The following UNC5D variants were observed in gnomAD, a reference collection of about 807,000 sequenced individuals.
UNC5D encodes the protein netrin receptor UNC5D.
In UNC5D, 39 loss-of-function variants were observed where a neutral mutation model predicts 105.4. The observed-to-expected ratio is 0.37, with a 90% CI of 0.29 to 0.48. The LOEUF (loss-of-function observed/expected upper bound fraction) is 0.48, where lower values mean the gene tolerates loss of function less well. Ranked by LOEUF, UNC5D falls within the 20% of genes least tolerant of loss-of-function variation. UNC5D has a pLI of 0.98. For synonymous variants in UNC5D, 452 were observed against 450.4 expected, an observed-to-expected ratio of 1.00 and a Z score of -0.04; for missense variants, 991 against 1,202.4, an observed-to-expected ratio of 0.82 and a Z score of 2.60.
At chr8:35,540,924 A>G (rs1255802910) in intron 1 of UNC5D, among the ~76,000 whole-genome samples, 1 of 152,170 alleles carries the variant, frequency 6.6e-6, no homozygotes. Context: ...CAAAGAATGC[A>G]CAGCTGAACT....
At chr8:35,387,624 C>T (rs1224745310) in intron 1 of UNC5D, among the ~76,000 whole-genome samples, 2 of 152,080 alleles carry the variant, frequency 1.3e-5, no homozygotes, top group African/African-American at 2.4e-5. Context: ...GCAGACTACC[C>T]GTATTTGACG....
chr8:35,405,197 T>G (rs896171831), intron 1 of UNC5D, among the ~76,000 whole-genome samples: 2 of 152,134 alleles, frequency 1.3e-5, no homozygotes, highest in African/African-American at 4.8e-5. Flanking sequence ...GGTAGCTGCA[T>G]GCACCCAGAT....
chr8:35,567,533 C>A (rs1285458432), intron 2 of UNC5D, among the ~76,000 whole-genome samples: 1 of 152,080 alleles, frequency 6.6e-6, no homozygotes, highest in Admixed American at 6.6e-5. Flanking sequence ...TCTTTGTGCT[C>A]ATTCCTTCTT....
At chr8:35,327,330 C>T (rs1810243326) in intron 1 of UNC5D, among the ~76,000 whole-genome samples, 1 of 152,198 alleles carries the variant, frequency 6.6e-6, no homozygotes, top group Non-Finnish European at 1.5e-5. Context: ...GCCATTTGCT[C>T]TGGAATGCAT....
At position 35,748,522 on chromosome 8, in the gene UNC5D, T is replaced by G. The variant is rs201779169; in HGVS notation, c.1767-5T>G. On this transcript the variant is annotated splice_polypyrimidine_tract_variant and splice_region_variant and intron_variant, in intron 11 of 16. Coordinates refer to ENST00000404895, the MANE Select transcript of UNC5D (RefSeq NM_080872.4). ...CTCTCTTCTATCCTTTTTTCAACTGTGAAGCCTCCAGTCAGATGGCTCTGA... is the reference window on the plus strand; with the variant it reads ...CTCTCTTCTATCCTTTTTTCAACTGGGAAGCCTCCAGTCAGATGGCTCTGA... The G allele has an allele frequency of 2.4e-5, 38 of 1,611,236 alleles. No homozygotes were observed. The highest frequency in any genetic ancestry group is 3.1e-5 in the Non-Finnish European group (37 of 1,179,112).
chr8:35,476,186 C>A (rs1483836666), intron 1 of UNC5D, among the ~76,000 whole-genome samples: 1 of 152,142 alleles, frequency 6.6e-6, no homozygotes, highest in African/African-American at 2.4e-5. Flanking sequence ...CTGCAGTTGC[C>A]TTTTAAGAAA....
chr8:35,497,585 T>A (rs1811678468), intron 1 of UNC5D, among the ~76,000 whole-genome samples: 1 of 151,764 alleles, frequency 6.6e-6, no homozygotes, highest in African/African-American at 2.4e-5. Flanking sequence ...AAGTGTGAGA[T>A]GTCTTTTGGA....
chr8:35,329,977 T>A (rs1300014579), intron 1 of UNC5D, among the ~76,000 whole-genome samples: 2 of 152,194 alleles, frequency 1.3e-5, no homozygotes, highest in Non-Finnish European at 2.9e-5. Flanking sequence ...TGGCAGTGCC[T>A]TATTTAATCC....
At chr8:35,451,597 C>G (rs1191157803) in intron 1 of UNC5D, among the ~76,000 whole-genome samples, 2 of 152,098 alleles carry the variant, frequency 1.3e-5, no homozygotes, top group East Asian at 3.9e-4. Flanking sequence ...AAGAATTGCT[C>G]TACAGTTTTA....
At chr8:35,293,564 A>T (rs1807238471) in intron 1 of UNC5D, among the ~76,000 whole-genome samples, 1 of 152,118 alleles carries the variant, frequency 6.6e-6, no homozygotes, top group Admixed American at 6.6e-5. Flanking sequence ...TTCTCCAAGG[A>T]TCATATCTTG....
At chr8:35,750,502 A>G (rs1256598877) in intron 12 of UNC5D, 80 bp from the exon 13 acceptor site, 23 of 1,414,092 alleles carry the variant, frequency 1.6e-5, no homozygotes, top group Non-Finnish European at 2.3e-5. Flanking sequence ...TTGTGTGTTT[A>G]TTTATTTGTG....
chr8:35,566,083 A>G (rs1817316567), intron 2 of UNC5D, among the ~76,000 whole-genome samples: 1 of 152,184 alleles, frequency 6.6e-6, no homozygotes, highest in African/African-American at 2.4e-5. Flanking sequence ...CTGGACTCAT[A>G]GTCTCTGACA....
intron 1 of UNC5D, among the ~76,000 whole-genome samples, chr8:35,362,980 C>G (rs1042167561): frequency 5.3e-5 from 8 of 152,120 alleles, no homozygotes; most frequent in Non-Finnish European, 7.3e-5. Context: ...CTACTAATAT[C>G]CTTTCTCTGG....
At chr8:35,658,242 T>C (rs1823892215) in intron 4 of UNC5D, among the ~76,000 whole-genome samples, 2 of 152,200 alleles carry the variant, frequency 1.3e-5, no homozygotes. Context: ...TTTACAATCT[T>C]TTAAAATCTT....
intron 1 of UNC5D, among the ~76,000 whole-genome samples, chr8:35,451,296 G>C (rs567569667): frequency 6.6e-6 from 1 of 152,066 alleles, no homozygotes; most frequent in Non-Finnish European, 1.5e-5. Context: ...GCCTGCCTCA[G>C]CCTCCCAAAG....
At chr8:35,413,882 A>T (rs1397949216) in intron 1 of UNC5D, among the ~76,000 whole-genome samples, 1 of 152,102 alleles carries the variant, frequency 6.6e-6, no homozygotes, top group Non-Finnish European at 1.5e-5. Context: ...GTCCTATAGA[A>T]TATTATAGAG....
At chr8:35,769,052 T>C (rs1006204891) in intron 15 of UNC5D, among the ~76,000 whole-genome samples, 2 of 152,360 alleles carry the variant, frequency 1.3e-5, no homozygotes, top group Admixed American at 6.5e-5. Context: ...TCTCATTTTC[T>C]GTGTCAGAAG....
At chr8:35,389,839 T>C (rs566245461) in intron 1 of UNC5D, among the ~76,000 whole-genome samples, 1 of 152,000 alleles carries the variant, frequency 6.6e-6, no homozygotes, top group Non-Finnish European at 1.5e-5. Flanking sequence ...CAGATAGAGT[T>C]AATCTACATA....
intron 4 of UNC5D, among the ~76,000 whole-genome samples, chr8:35,603,120 T>A (rs1382321089): frequency 1.3e-5 from 2 of 152,158 alleles, no homozygotes; most frequent in Non-Finnish European, 2.9e-5. Context: ...CTTCTCTAGT[T>A]CTTTTAATTG....
Sources: allele counts gnomAD v4.1 joint callset (sites outside exome capture counted in the v4.1 genomes callset), GRCh38; gene constraint gnomAD v4.1.1; transcripts MANE v1.5; gene names NCBI Gene and HGNC (gene_info 2026-07-23, HGNC 2026-07-21).